The following CSMD1 variants were observed in gnomAD, a reference collection of about 807,000 sequenced individuals.
CSMD1 encodes CUB and sushi domain-containing protein 1.
In CSMD1, 213 loss-of-function variants were observed where a neutral mutation model predicts 417.5. The ratio of observed to expected loss-of-function variants is 0.51; its 90% CI spans 0.46 to 0.57. CSMD1 has a LOEUF of 0.57. CSMD1 is among the 20% of genes least tolerant of loss of function. CSMD1 has a pLI of 0.00. For missense variants in CSMD1, 6,923 were observed against 4,529.7 expected, an observed-to-expected ratio of 1.53 and a Z score of -15.17; for synonymous variants, 2,862 against 1,736.8, an observed-to-expected ratio of 1.65 and a Z score of -16.11.
intron 1 of CSMD1, among the ~76,000 whole-genome samples, chr8:4,908,146 G>C (rs1283218542): frequency 6.6e-6 from 1 of 152,160 alleles, no homozygotes; most frequent in African/African-American, 2.4e-5. Context: ...ATTCTAGGTA[G>C]TTGTATTTTT....
At chr8:4,040,731 G>A (rs539743241) in intron 3 of CSMD1, among the ~76,000 whole-genome samples, 2 of 152,154 alleles carry the variant, frequency 1.3e-5, no homozygotes, top group Admixed American at 6.5e-5. Flanking sequence ...AGAGACTGCA[G>A]CAAAGTCAAA....
chr8:4,097,807 G>C (rs1801099449), intron 3 of CSMD1, among the ~76,000 whole-genome samples: 1 of 152,152 alleles, frequency 6.6e-6, no homozygotes, highest in African/African-American at 2.4e-5. Flanking sequence ...AAATGCTGTG[G>C]GTGGGTTATG....
intron 3 of CSMD1, among the ~76,000 whole-genome samples, chr8:4,269,230 T>C (rs979331420): frequency 6.6e-6 from 1 of 152,098 alleles, no homozygotes; most frequent in Admixed American, 6.6e-5. Flanking sequence ...CTAATTTTTG[T>C]ATATTTAGCA....
At chr8:4,111,007 G>A (rs570304336) in intron 3 of CSMD1, among the ~76,000 whole-genome samples, 13 of 152,216 alleles carry the variant, frequency 8.5e-5, no homozygotes, top group African/African-American at 3.1e-4. Context: ...ACTAAGAGAT[G>A]CCTGCAATCA....
intron 7 of CSMD1, among the ~76,000 whole-genome samples, chr8:3,671,652 A>G (rs2117538108): frequency 6.7e-6 from 1 of 148,734 alleles, no homozygotes; most frequent in Non-Finnish European, 1.5e-5. Flanking sequence ...TAGGCTTCAC[A>G]AGCCTCTGCC....
intron 5 of CSMD1, among the ~76,000 whole-genome samples, chr8:3,809,256 G>A (rs1312769802): frequency 1.3e-5 from 2 of 152,132 alleles, no homozygotes; most frequent in African/African-American, 2.4e-5. Context: ...CTGACCAGCT[G>A]GGTCAGGTCA....
At chr8:4,222,376 GCTTCCATCTTATTCT>G (rs1801087253) in intron 3 of CSMD1, among the ~76,000 whole-genome samples, 1 of 382 alleles carries the variant, frequency 2.6e-3, no homozygotes, top group Non-Finnish European at 5.2e-3. Context: ...AGAATAAGAA[GCTTCCATCTTATTCT>G]GTAAACAGAA....
chr8:3,622,283 G>A (rs1796289080), intron 7 of CSMD1, among the ~76,000 whole-genome samples: 2 of 152,138 alleles, frequency 1.3e-5, no homozygotes. Context: ...AATCATTATT[G>A]CTGTGGCAAA....
At chr8:4,336,198 G>A (rs1446346107) in intron 3 of CSMD1, among the ~76,000 whole-genome samples, 1 of 152,108 alleles carries the variant, frequency 6.6e-6, no homozygotes, top group Non-Finnish European at 1.5e-5. Context: ...GTTGACTCAG[G>A]GAATGCAGGT....
At chr8:4,331,419 G>C (rs1017710345) in intron 3 of CSMD1, among the ~76,000 whole-genome samples, 2 of 152,164 alleles carry the variant, frequency 1.3e-5, no homozygotes, top group Non-Finnish European at 2.9e-5. Flanking sequence ...TTGTCTTTCA[G>C]TGATTTAAAA....
intron 18 of CSMD1, among the ~76,000 whole-genome samples, chr8:3,379,673 G>A (rs1052308968): frequency 6.6e-6 from 1 of 152,172 alleles, no homozygotes; most frequent in Non-Finnish European, 1.5e-5. Flanking sequence ...AATAAATGGT[G>A]TTGGGAAAAC....
intron 5 of CSMD1, 39 bp downstream of exon 5, chr8:3,997,864 A>ACACC (rs1563300158): frequency 4.5e-6 from 7 of 1,559,624 alleles, no homozygotes; most frequent in Non-Finnish European, 6.1e-6. Context: ...CGGGGAAAAC[A>ACACC]CACCTGTATC....
chr8:4,256,155 C>A (rs1031172761), intron 3 of CSMD1, among the ~76,000 whole-genome samples: 1 of 152,158 alleles, frequency 6.6e-6, no homozygotes, highest in Admixed American at 6.5e-5. Flanking sequence ...ATGTAGCCTG[C>A]CAGAGCTTTT....
At chr8:4,107,530 T>G (rs1005444738) in intron 3 of CSMD1, among the ~76,000 whole-genome samples, 1 of 152,216 alleles carries the variant, frequency 6.6e-6, no homozygotes, top group Admixed American at 6.5e-5. Context: ...AATTGATATC[T>G]GGGCTAATTT....
intron 3 of CSMD1, 114 bp from the exon 4 acceptor site, chr8:4,032,213 A>C (rs1797385471): frequency 1.5e-6 from 1 of 689,624 alleles, no homozygotes; most frequent in Admixed American, 3.1e-5. Context: ...AACCTCTAGC[A>C]TCAGAAAAAT....
chr8:4,434,193 C>G (rs913945114), intron 2 of CSMD1, among the ~76,000 whole-genome samples: 2 of 152,064 alleles, frequency 1.3e-5, no homozygotes, highest in Admixed American at 1.3e-4. Context: ...CAGAAATTAT[C>G]CAGGCATGGT....
chr8:4,081,669 C>A (rs143537964), intron 3 of CSMD1, among the ~76,000 whole-genome samples: 5 of 152,124 alleles, frequency 3.3e-5, no homozygotes, highest in African/African-American at 1.2e-4. Context: ...CACAATGCAA[C>A]AATTCTCAAT....
chr8:4,788,786 GCTTAA>G (rs1160494030), intron 1 of CSMD1, among the ~76,000 whole-genome samples: 6 of 152,240 alleles, frequency 3.9e-5, no homozygotes, highest in South Asian at 2.1e-4. Flanking sequence ...AAACTATCAT[GCTTAA>G]CTTAACATGA....
intron 69 of CSMD1, among the ~76,000 whole-genome samples, chr8:2,941,191 G>C (rs1170399271): frequency 6.6e-6 from 1 of 152,082 alleles, no homozygotes; most frequent in Non-Finnish European, 1.5e-5. Flanking sequence ...TATTCTTAAA[G>C]AAAGAACATT....
Sources: gnomAD v4.1 joint callset for allele counts (sites outside exome capture counted in the v4.1 genomes callset) on GRCh38, gnomAD v4.1.1 for gene constraint, MANE v1.5 for transcripts, NCBI Gene and HGNC (gene_info 2026-07-23, HGNC 2026-07-21) for gene names.